Variants in THSD7B observed in about 807,000 individuals in gnomAD.
The protein encoded by THSD7B is thrombospondin type-1 domain-containing protein 7B.
Under a neutral mutation model 213.6 loss-of-function variants are expected in THSD7B, and 138 were observed. The observed-to-expected ratio is 0.65, with a 90% CI of 0.56 to 0.74. The LOEUF (loss-of-function observed/expected upper bound fraction) is 0.74, where lower values mean the gene tolerates loss of function less well. Ranked by LOEUF, THSD7B falls within the 30% of genes least tolerant of loss-of-function variation. The pLI is 0.00. For synonymous variants in THSD7B, 742 were observed against 687.0 expected (o/e 1.08, Z -1.25); for missense variants, 1,931 against 1,991.5 (o/e 0.97, Z 0.58).
intron 2 of THSD7B, among the ~76,000 whole-genome samples, chr2:136,895,456 G>A (rs1406935899): frequency 1.4e-5 from 2 of 144,060 alleles, no homozygotes; most frequent in Non-Finnish European, 3.0e-5. Context: ...ATGTAAATGG[G>A]TTACCATTTT....
chr2:137,660,976 T>C (rs1683333456), intron 25 of THSD7B, among the ~76,000 whole-genome samples: 1 of 152,228 alleles, frequency 6.6e-6, no homozygotes, highest in Non-Finnish European at 1.5e-5. Context: ...CAAAATCATG[T>C]GTTCAGTCAA....
At chr2:136,855,747 C>T (rs555209891) in intron 1 of THSD7B, among the ~76,000 whole-genome samples, 165 of 152,214 alleles carry the variant, frequency 1.1e-3, no homozygotes, top group African/African-American at 3.6e-3. Flanking sequence ...GCTGGGATTA[C>T]AGGCGTGAGC....
At chr2:137,395,123 T>C (rs200389448) in intron 12 of THSD7B, among the ~76,000 whole-genome samples, 8,333 of 114,032 alleles carry the variant, frequency 0.073, 422 homozygotes, top group South Asian at 0.09. Context: ...GACAATTTGA[T>C]TTCCTCTTCT....
At chr2:137,124,413 C>G (rs1052525872) in intron 5 of THSD7B, among the ~76,000 whole-genome samples, 1 of 152,152 alleles carries the variant, frequency 6.6e-6, no homozygotes, top group Non-Finnish European at 1.5e-5. Context: ...AAACCTTGTT[C>G]TAGTATTTTG....
At chr2:137,213,175 T>C (rs1159886437) in intron 7 of THSD7B, among the ~76,000 whole-genome samples, 2 of 151,670 alleles carry the variant, frequency 1.3e-5, no homozygotes, top group East Asian at 1.9e-4. Flanking sequence ...TACCCTTTGG[T>C]CTTAACATTT....
intron 21 of THSD7B, among the ~76,000 whole-genome samples, chr2:137,650,056 T>C (rs868495843): frequency 1.5e-4 from 23 of 152,318 alleles, no homozygotes; most frequent in African/African-American, 5.5e-4. Context: ...GAGTCCCGAT[T>C]ATGCCACTGC....
chr2:137,019,144 T>A (rs1686396056), intron 2 of THSD7B, among the ~76,000 whole-genome samples: 1 of 152,164 alleles, frequency 6.6e-6, no homozygotes, highest in Admixed American at 6.5e-5. Context: ...CTGGGCACCT[T>A]CATGTGACAT....
chr2:137,088,365 A>G (rs1243063381), intron 3 of THSD7B, among the ~76,000 whole-genome samples: 1 of 152,084 alleles, frequency 6.6e-6, no homozygotes, highest in Non-Finnish European at 1.5e-5. Context: ...GCAAACAAAA[A>G]CATAAAATGA....
At chr2:136,954,740 T>TAAAAAAAAAAAAAAAAAAAAAAAAAAG (rs773677139) in intron 2 of THSD7B, among the ~76,000 whole-genome samples, 12 of 137,486 alleles carry the variant, frequency 8.7e-5, no homozygotes, top group African/African-American at 3.7e-4. Flanking sequence ...AAAAAGAAAT[T>TAAAAAAAAAAAAAAAAAAAAAAAAAAG]ACATAAGAGC....
chr2:137,323,882 A>G (rs1684313537), intron 12 of THSD7B, among the ~76,000 whole-genome samples: 1 of 152,242 alleles, frequency 6.6e-6, no homozygotes, highest in Non-Finnish European at 1.5e-5. Flanking sequence ...GGCTCTAGCA[A>G]AGCAGAATGC....
At chr2:137,441,790 T>C (rs891868129) in intron 14 of THSD7B, among the ~76,000 whole-genome samples, 16 of 152,216 alleles carry the variant, frequency 1.1e-4, no homozygotes, top group Admixed American at 3.3e-4. Flanking sequence ...TTAATTTACA[T>C]GGAAATGAGC....
chr2:137,237,917 AT>A (rs1681804681), intron 9 of THSD7B, among the ~76,000 whole-genome samples: 1 of 152,214 alleles, frequency 6.6e-6, no homozygotes. Flanking sequence ...AATAACTTGC[AT>A]TTCCAGGAAA....
At chr2:137,539,895 T>C (rs1680580122) in intron 15 of THSD7B, among the ~76,000 whole-genome samples, 1 of 151,732 alleles carries the variant, frequency 6.6e-6, no homozygotes, top group Non-Finnish European at 1.5e-5. Flanking sequence ...TATTTCTTGC[T>C]GAATAATCAA....
chr2:137,083,877 G>A (rs761270699), intron 3 of THSD7B, among the ~76,000 whole-genome samples: 13 of 151,956 alleles, frequency 8.6e-5, no homozygotes, highest in Non-Finnish European at 1.6e-4. Context: ...GCATGATTTC[G>A]AATGGCCCAC....
At chr2:137,444,015 C>T (rs10190462) in intron 14 of THSD7B, among the ~76,000 whole-genome samples, 126,682 of 151,936 alleles carry the variant, frequency 0.83, 54,238 homozygotes, top group Non-Finnish European at 0.93. Context: ...TTTGTCGATG[C>T]TGATGGAGTT....
intron 12 of THSD7B, among the ~76,000 whole-genome samples, chr2:137,333,761 A>G (rs1279851692): frequency 6.6e-6 from 1 of 152,216 alleles, no homozygotes. Flanking sequence ...ATAACTGCTT[A>G]GAAACCTTCT....
chr2:137,515,259 C>T (rs1680046196), intron 15 of THSD7B, among the ~76,000 whole-genome samples: 2 of 152,130 alleles, frequency 1.3e-5, no homozygotes, highest in Admixed American at 6.5e-5. Flanking sequence ...AAACAGCTTC[C>T]CCATTCCCAT....
intron 15 of THSD7B, among the ~76,000 whole-genome samples, chr2:137,534,907 A>T (rs965901566): frequency 5.3e-5 from 8 of 151,810 alleles, no homozygotes; most frequent in Admixed American, 2.0e-4. Context: ...CACAAGAAAA[A>T]TATAGACATA....
intron 14 of THSD7B, among the ~76,000 whole-genome samples, chr2:137,431,166 A>G (rs1371257011): frequency 6.6e-6 from 1 of 152,212 alleles, no homozygotes; most frequent in East Asian, 1.9e-4. Context: ...ACAACAATCA[A>G]ATACACTTAA....
Sources: gnomAD v4.1 joint callset for allele counts (sites outside exome capture counted in the v4.1 genomes callset) on GRCh38, gnomAD v4.1.1 for gene constraint, MANE v1.5 for transcripts, NCBI Gene and HGNC (gene_info 2026-07-23, HGNC 2026-07-21) for gene names.